POFUT3: variants seen among roughly 807,000 people sequenced by gnomAD.
POFUT3 encodes the protein protein O-fucosyltransferase 3.
At chr8:33,454,957 C>G in the POFUT3 span, among the ~76,000 whole-genome samples, 1 of 152,106 alleles carries the variant, frequency 6.6e-6, no homozygotes, top group Non-Finnish European at 1.5e-5. Context: ...TGAGCCACCA[C>G]GCCCAGCCAG....
the POFUT3 span, among the ~76,000 whole-genome samples, chr8:33,395,805 TGGC>T: frequency 3.9e-5 from 6 of 152,162 alleles, no homozygotes. Flanking sequence ...TTGTTCCTGC[TGGC>T]GCCCAAAAGC....
the POFUT3 span, chr8:33,389,555 A>C: frequency 1.2e-6 from 2 of 1,614,152 alleles, no homozygotes; most frequent in Non-Finnish European, 1.7e-6. Flanking sequence ...TCTTTTTCTA[A>C]GCTTGTTTTT....
the POFUT3 span, among the ~76,000 whole-genome samples, chr8:33,380,139 A>ATATATATACACTATATATATATAC: frequency 9.6e-5 from 7 of 72,890 alleles, no homozygotes; most frequent in Non-Finnish European, 1.6e-4. Flanking sequence ...TATATATACT[A>ATATATATACACTATATATATATAC]TATATATACA....
At chr8:33,441,159 C>T in the POFUT3 span, among the ~76,000 whole-genome samples, 30 of 151,766 alleles carry the variant, frequency 2.0e-4, no homozygotes, top group South Asian at 1.9e-3. Flanking sequence ...GGTGAAACCC[C>T]ATCTCTACTA....
At chr8:33,390,498 G>T in the POFUT3 span, among the ~76,000 whole-genome samples, 2 of 120,368 alleles carry the variant, frequency 1.7e-5, no homozygotes, top group Non-Finnish European at 3.4e-5. Context: ...AAGAGCAAGA[G>T]AAAGGAAGCC....
At chr8:33,337,111 C>T in the POFUT3 span, among the ~76,000 whole-genome samples, 1 of 152,200 alleles carries the variant, frequency 6.6e-6, no homozygotes, top group Non-Finnish European at 1.5e-5. Flanking sequence ...ATGATGAAGC[C>T]TCTGCCTTTG....
At chr8:33,444,931 A>ATTTT in the POFUT3 span, among the ~76,000 whole-genome samples, 4 of 79,210 alleles carry the variant, frequency 5.0e-5, no homozygotes, top group Non-Finnish European at 1.0e-4. Flanking sequence ...TATGACCTTC[A>ATTTT]TCTTTTTTTT....
chr8:33,417,657 TAAA>T, the POFUT3 span, among the ~76,000 whole-genome samples: 1 of 151,722 alleles, frequency 6.6e-6, no homozygotes, highest in Admixed American at 6.6e-5. Flanking sequence ...AAGTCCAGCT[TAAA>T]GGAGGAGGGG....
chr8:33,408,016 G>A, the POFUT3 span, among the ~76,000 whole-genome samples: 4 of 146,634 alleles, frequency 2.7e-5, no homozygotes, highest in Admixed American at 6.9e-5. Context: ...GAAAAGAAAA[G>A]AAAGAAAGAA....
the POFUT3 span, among the ~76,000 whole-genome samples, chr8:33,426,782 C>G: frequency 3.3e-5 from 5 of 152,352 alleles, no homozygotes; most frequent in Non-Finnish European, 7.3e-5. Flanking sequence ...TTTCTGTCCT[C>G]TGATTTCTCT....
chr8:33,418,433 G>A, the POFUT3 span, among the ~76,000 whole-genome samples: 1 of 127,894 alleles, frequency 7.8e-6, no homozygotes, highest in African/African-American at 3.0e-5. Context: ...TTTTTTTTGA[G>A]ATGGGATTAT....
At chr8:33,442,407 C>T in the POFUT3 span, among the ~76,000 whole-genome samples, 307 of 152,166 alleles carry the variant, frequency 2.0e-3, 3 homozygotes, top group Middle Eastern at 0.01. Flanking sequence ...CCCGCCTCAG[C>T]CTCCCAAACA....
the POFUT3 span, among the ~76,000 whole-genome samples, chr8:33,333,149 C>G: frequency 1.3e-5 from 2 of 152,186 alleles, no homozygotes; most frequent in Admixed American, 1.3e-4. Flanking sequence ...ATTAGTTCTG[C>G]CTCTAAATGA....
At chr8:33,376,041 G>A in the POFUT3 span, among the ~76,000 whole-genome samples, 2 of 151,366 alleles carry the variant, frequency 1.3e-5, no homozygotes, top group Non-Finnish European at 2.9e-5. Flanking sequence ...AAAACAACAG[G>A]AAAAGAAACA....
the POFUT3 span, among the ~76,000 whole-genome samples, chr8:33,350,716 A>G: frequency 6.6e-6 from 1 of 152,142 alleles, no homozygotes; most frequent in Non-Finnish European, 1.5e-5. Context: ...GATCATATAT[A>G]TATTTGCATC....
the POFUT3 span, among the ~76,000 whole-genome samples, chr8:33,401,286 TAG>T: frequency 6.6e-6 from 1 of 151,986 alleles, no homozygotes; most frequent in Non-Finnish European, 1.5e-5. Context: ...GTGCCTGGCC[TAG>T]ACTCATATTC....
At chr8:33,397,561 G>A in the POFUT3 span, among the ~76,000 whole-genome samples, 1 of 152,156 alleles carries the variant, frequency 6.6e-6, no homozygotes, top group African/African-American at 2.4e-5. Flanking sequence ...GGAAACAGGG[G>A]CTGAGACGGC....
chr8:33,338,177 G>A, the POFUT3 span, among the ~76,000 whole-genome samples: 1 of 152,258 alleles, frequency 6.6e-6, no homozygotes, highest in African/African-American at 2.4e-5. Flanking sequence ...GGTAGTGGAG[G>A]TTAGGGCTTC....
chr8:33,461,498 G>C, the POFUT3 span: 1 of 1,612,776 alleles, frequency 6.2e-7, no homozygotes, highest in Non-Finnish European at 8.5e-7. Context: ...CTGGTTACCA[G>C]GTGTTCTCTC....
Sources: gnomAD v4.1 joint callset for allele counts (sites outside exome capture counted in the v4.1 genomes callset) on GRCh38, gnomAD v4.1.1 for gene constraint, MANE v1.5 for transcripts, NCBI Gene and HGNC (gene_info 2026-07-23, HGNC 2026-07-21) for gene names.